ZSWIM3: variants seen among roughly 807,000 people sequenced by gnomAD.
ZSWIM3 encodes zinc finger SWIM domain-containing protein 3.
ZSWIM3 carries 27 observed loss-of-function variants against 47.5 expected under a neutral mutation model. That is an observed-to-expected ratio of 0.57 (90% CI 0.42 to 0.78). ZSWIM3 has a LOEUF of 0.78. Among genes scored for constraint, ZSWIM3 ranks in the 30% least tolerant of loss-of-function variants. The probability of loss-of-function intolerance (pLI) is 0.00; values close to 1 mark genes in which losing one functional copy is unlikely to be tolerated. For missense variants in ZSWIM3, 689 were observed against 861.3 expected (o/e 0.80, Z 2.50); for synonymous variants, 333 against 333.9 (o/e 1.00, Z 0.03).
intron 1 of ZSWIM3, chr20:45,872,726 G>A (rs2145791317): frequency 7.8e-7 from 1 of 1,289,236 alleles, no homozygotes; most frequent in African/African-American, 1.5e-5. Context: ...GAGACCACAA[G>A]TGGTCACCCC....
chr20:45,878,918 T>G lies in ZSWIM3; in HGVS notation c.*269T>G. 2.5e-6 allele frequency: 1 copy of G among 402,100 alleles called. No homozygotes were observed. The highest frequency in any genetic ancestry group is 4.5e-6 in the Non-Finnish European group (1 of 222,256). The allele number at this position is 402,100 out of a possible 1,614,324, so 24.9% of individuals were successfully genotyped here. ...CCGTGCTGCAAGGTCACCCTCTTCCTCCCCCAGCCCCTGAGATCAGATCTT... is the reference window on the plus strand; with the variant it reads ...CCGTGCTGCAAGGTCACCCTCTTCCGCCCCCAGCCCCTGAGATCAGATCTT... On this transcript the variant is annotated 3_prime_UTR_variant, in exon 2 of 2. Coordinates refer to ENST00000255152, the MANE Select transcript of ZSWIM3 (RefSeq NM_080752.4).
At chr20:45,869,549 T>C (rs1319655045) in intron 1 of ZSWIM3, among the ~76,000 whole-genome samples, 2 of 150,962 alleles carry the variant, frequency 1.3e-5, no homozygotes, top group Middle Eastern at 3.4e-3. Context: ...TGTGTCTGGG[T>C]ATGTTTTTGG....
chr20:45,870,040 T>A (rs1348974224), intron 1 of ZSWIM3, among the ~76,000 whole-genome samples: 10 of 112,544 alleles, frequency 8.9e-5, no homozygotes, highest in Non-Finnish European at 1.7e-4. Flanking sequence ...CAAAACTCCG[T>A]CTCAAGAAAA....
In ZSWIM3 at chr20:45,857,889, A is replaced by G. The variant is rs552411371; in HGVS notation, c.64A>G (p.Arg22Gly). The part of the protein sequence containing the change: ...DFKECFSAYK[R>G]ENRCSFILRD... ...CAAGGAGTGCTTCAGCGCCTACAAAAGGGAGAACAGGTGCTCCTTCATTCT... is the reference window on the plus strand; with the variant it reads ...CAAGGAGTGCTTCAGCGCCTACAAAGGGGAGAACAGGTGCTCCTTCATTCT... Residue 22 changes from arginine (R) to glycine (G), a missense_variant, in exon 1 of 2, where the codon AGG becomes GGG. Coordinates refer to ENST00000255152, the MANE Select transcript of ZSWIM3 (RefSeq NM_080752.4). 1 of 1,611,352 alleles carries G rather than the reference A, an allele frequency of 6.2e-7. No individual in the cohort carries two copies. The highest frequency in any genetic ancestry group is 1.1e-5 in the South Asian group (1 of 90,996).
chr20:45,872,200 G>GAT (rs1051965920), intron 1 of ZSWIM3, among the ~76,000 whole-genome samples: 3 of 152,212 alleles, frequency 2.0e-5, no homozygotes, highest in African/African-American at 7.2e-5. Flanking sequence ...CATGTAGCCA[G>GAT]ATATATAATA....
Position 45,878,768 on chromosome 20 carries a change from G to A in ZSWIM3, c.*119G>A, listed in dbSNP as rs1325253833. ...CCAATGTCTTCCTAGGTGGGGCTAG[G>A]AATATTGTTACAGTAGAGAGGAAGG... On this transcript the variant is annotated 3_prime_UTR_variant, in exon 2 of 2. Transcript: ENST00000255152. 7.6e-7 allele frequency: 1 copy of A among 1,311,314 alleles called. No individual in the cohort carries two copies. The highest frequency in any genetic ancestry group is 1.0e-6 in the Non-Finnish European group (1 of 973,012). The allele number at this position is 1,311,314 out of a possible 1,614,324, so 81.2% of individuals were successfully genotyped here. A position where few individuals can be genotyped will look rare whatever the true frequency, so the allele number is the denominator to read the frequency against.
chr20:45,872,348 G>A (rs535591371), intron 1 of ZSWIM3, among the ~76,000 whole-genome samples: 121 of 152,332 alleles, frequency 7.9e-4, no homozygotes, highest in African/African-American at 2.2e-3. Flanking sequence ...AGCCAGGAAT[G>A]GTACAAGGAG....
At position 45,878,588 on chromosome 20, in the gene ZSWIM3, T is replaced by A; in HGVS notation, c.2030T>A (p.Leu677His). 1 of 1,613,798 alleles carries A rather than the reference T, an allele frequency of 6.2e-7. No homozygotes were observed. Among genetic ancestry groups the A allele is most frequent in the Non-Finnish European group, 8.5e-7 (1 of 1,179,824 alleles). Residue 677 changes from leucine (L) to histidine (H), a missense_variant, in exon 2 of 2, where the codon CTC becomes CAC. Transcript: ENST00000255152. ...AAGGACGTGGGCCGCCTCCCTTTCC[T>A]CTGGGGAAAGCAAGAAGAAGGGGAG... The part of the protein sequence containing the change: ...DFKDVGRLPF[L>H]WGKQEEGEGF...
At chr20:45,867,120 C>T (rs1408331656) in intron 1 of ZSWIM3, among the ~76,000 whole-genome samples, 2 of 150,430 alleles carry the variant, frequency 1.3e-5, no homozygotes, top group African/African-American at 2.4e-5. Flanking sequence ...AATTCTCGTG[C>T]CTCAGCCTCC....
At chr20:45,865,122 C>A (rs1426111839) in intron 1 of ZSWIM3, among the ~76,000 whole-genome samples, 1 of 152,044 alleles carries the variant, frequency 6.6e-6, no homozygotes, top group African/African-American at 2.4e-5. Flanking sequence ...AGTTCAAGAC[C>A]AGCCTGGCCA....
At chr20:45,871,363 G>A (rs1985970808) in intron 1 of ZSWIM3, among the ~76,000 whole-genome samples, 1 of 150,384 alleles carries the variant, frequency 6.6e-6, no homozygotes, top group African/African-American at 2.5e-5. Flanking sequence ...AGGTAAAGGA[G>A]CCAATGGTGT....
intron 1 of ZSWIM3, among the ~76,000 whole-genome samples, chr20:45,866,270 T>G (rs1316188839): frequency 6.6e-6 from 1 of 151,854 alleles, no homozygotes; most frequent in Non-Finnish European, 1.5e-5. Context: ...TGCACTCCAG[T>G]CTTGGTGACA....
rs552501090 is a variant in ZSWIM3 at position 45,864,369 on chromosome 20, G to A, written c.155+6389G>A. On this transcript the variant is annotated intron_variant, in intron 1 of 1. Transcript: ENST00000255152. Reference sequence around the variant, plus strand: ...GGCTCTGTGCAGAGCTCACTGTCTTGGGCTTTTTGAGTGATACGTGGGTGT... The same window carrying A: ...GGCTCTGTGCAGAGCTCACTGTCTTAGGCTTTTTGAGTGATACGTGGGTGT... Among the ~76,000 whole-genome samples the A allele has an allele frequency of 2.6e-5, 4 of 152,254 alleles. No homozygotes were observed. The East Asian group carries it at 7.7e-4, about 29-fold the overall frequency.
chr20:45,875,039 T>TTTTC (rs1986057970), intron 1 of ZSWIM3, among the ~76,000 whole-genome samples: 1 of 135,266 alleles, frequency 7.4e-6, no homozygotes, highest in African/African-American at 2.7e-5. Flanking sequence ...TTTTAACTTT[T>TTTTC]TTTTTTTTTT....
At chr20:45,858,941 ATTTTAC>A (rs970748686) in intron 1 of ZSWIM3, among the ~76,000 whole-genome samples, 16 of 152,308 alleles carry the variant, frequency 1.1e-4, no homozygotes, top group African/African-American at 3.8e-4. Flanking sequence ...TTAACTTTGA[ATTTTAC>A]TTTAAGAAAA....
In ZSWIM3 at chr20:45,878,681, A is replaced by T. The variant is rs762312038; in HGVS notation, c.*32A>T. The T allele has an allele frequency of 6.4e-7, 1 of 1,573,802 alleles. No individual in the cohort carries two copies. The highest frequency in any genetic ancestry group is 1.8e-5 in the Admixed American group (1 of 56,520). ...TTAGCTGAAGCATTGGACCACAAAC[A>T]CTTCTCCTTGGAAGTGTGAGAGTTT... is the stretch of plus-strand genomic sequence containing the variant. On this transcript the variant is annotated 3_prime_UTR_variant, in exon 2 of 2. Transcript: ENST00000255152.
Position 45,857,633 on chromosome 20 carries a change from C to A in ZSWIM3, c.-193C>A. 1 of 710,450 alleles carries A rather than the reference C, an allele frequency of 1.4e-6. No homozygotes were observed. Among genetic ancestry groups the A allele is most frequent in the Non-Finnish European group, 2.4e-6 (1 of 418,748 alleles). The allele number at this position is 710,450 out of a possible 1,614,324, so 44.0% of individuals were successfully genotyped here. A position where few individuals can be genotyped will look rare whatever the true frequency, so the allele number is the denominator to read the frequency against. ...TCCCCTGTCAGATAGCAAATACACC[C>A]CCTTCCTCTTGTAACCCGGTCAGGC... On this transcript the variant is annotated 5_prime_UTR_variant, in exon 1 of 2. Coordinates refer to ENST00000255152, the MANE Select transcript of ZSWIM3 (RefSeq NM_080752.4).
intron 1 of ZSWIM3, chr20:45,872,680 A>C (rs919383154): frequency 1.5e-4 from 190 of 1,276,238 alleles, no homozygotes; most frequent in Non-Finnish European, 1.9e-4. Flanking sequence ...GGACACAAAA[A>C]ACAAGGTGAT....
intron 1 of ZSWIM3, among the ~76,000 whole-genome samples, chr20:45,872,983 G>T (rs1235317258): frequency 1.3e-5 from 2 of 152,154 alleles, no homozygotes; most frequent in Non-Finnish European, 2.9e-5. Context: ...GCCACGTCAG[G>T]CCAGGGGGTG....
Sources: allele counts gnomAD v4.1 joint callset (sites outside exome capture counted in the v4.1 genomes callset), GRCh38; gene constraint gnomAD v4.1.1; transcripts MANE v1.5; gene names NCBI Gene and HGNC (gene_info 2026-07-23, HGNC 2026-07-21).